Variants in NFIA observed in about 807,000 individuals in gnomAD.
NFIA encodes the protein nuclear factor 1 A-type.
A neutral mutation model predicts 62.8 loss-of-function variants in NFIA; 8 were observed. The observed-to-expected ratio is 0.13, with a 90% CI of 0.07 to 0.23. The LOEUF (loss-of-function observed/expected upper bound fraction) is 0.23, where lower values mean the gene tolerates loss of function less well. NFIA is among the 10% of genes least tolerant of loss of function. The pLI, the probability that NFIA is intolerant of heterozygous loss-of-function variation, is 1.00. For synonymous variants in NFIA, 235 were observed against 238.1 expected, an observed-to-expected ratio of 0.99 and a Z score of 0.12; for missense variants, 410 against 642.1, an observed-to-expected ratio of 0.64 and a Z score of 3.91.
intron 2 of NFIA, among the ~76,000 whole-genome samples, chr1:61,089,748 ACTTTT>A (rs1470513441): frequency 1.4e-5 from 2 of 141,106 alleles, no homozygotes; most frequent in Non-Finnish European, 3.1e-5. Flanking sequence ...AAAACACTGC[ACTTTT>A]CTTCAAAACA....
intron 10 of NFIA, among the ~76,000 whole-genome samples, chr1:61,427,666 T>G (rs1405268579): frequency 6.6e-6 from 1 of 152,184 alleles, no homozygotes; most frequent in Admixed American, 6.5e-5. Flanking sequence ...GCATTGTATC[T>G]GAAGCCTTCC....
chr1:61,374,860 CT>C (rs1417353777), intron 6 of NFIA, among the ~76,000 whole-genome samples: 1 of 152,102 alleles, frequency 6.6e-6, no homozygotes, highest in Non-Finnish European at 1.5e-5. Flanking sequence ...TTTTTATTGA[CT>C]GAAAAAGGCT....
chr1:61,306,266 G>GTTTTTTTTTT (rs1557695597), intron 3 of NFIA, among the ~76,000 whole-genome samples: 1 of 45,372 alleles, frequency 2.2e-5, no homozygotes, highest in Non-Finnish European at 4.0e-5. Flanking sequence ...CCCAGATTTT[G>GTTTTTTTTTT]TTCTTTTTTT....
At chr1:61,437,643 G>A (rs567234039) in intron 10 of NFIA, among the ~76,000 whole-genome samples, 88 of 152,342 alleles carry the variant, frequency 5.8e-4, no homozygotes, top group African/African-American at 2.0e-3. Context: ...TGTGATCGAT[G>A]AAGTAATTGA....
Position 61,458,650 on chromosome 1 carries a change from T to C in NFIA, c.*3330T>C, listed in dbSNP as rs1321609295. 2 of 151,890 alleles carry C rather than the reference T, an allele frequency of 1.3e-5. No individual in the cohort carries two copies. The highest frequency in any genetic ancestry group is 2.9e-5 in the Non-Finnish European group (2 of 67,974). 9.4% of individuals were successfully genotyped at this position (151,890 alleles called of 1,614,324 possible). A position where few individuals can be genotyped will look rare whatever the true frequency, so the allele number is the denominator to read the frequency against. ...GCTTTTCTTTCTTTTTACCCCCCCT[T>C]TGGGAACTGGATTTAAGTTTAAAAC... is the stretch of plus-strand genomic sequence containing the variant. On this transcript the variant is annotated 3_prime_UTR_variant, in exon 11 of 11. Coordinates refer to ENST00000403491, the MANE Select transcript of NFIA (RefSeq NM_001134673.4).
At chr1:61,427,638 G>T (rs948763428) in intron 10 of NFIA, among the ~76,000 whole-genome samples, 4 of 152,066 alleles carry the variant, frequency 2.6e-5, no homozygotes, top group Non-Finnish European at 2.9e-5. Context: ...TTGCTATGTC[G>T]ACAGCACAGG....
intron 2 of NFIA, among the ~76,000 whole-genome samples, chr1:61,263,424 C>T (rs945771347): frequency 6.6e-6 from 1 of 152,172 alleles, no homozygotes; most frequent in African/African-American, 2.4e-5. Context: ...GATAACAGGG[C>T]ATGACGGGCA....
At chr1:61,166,991 A>C (rs926064515) in intron 2 of NFIA, among the ~76,000 whole-genome samples, 1 of 152,096 alleles carries the variant, frequency 6.6e-6, no homozygotes, top group Non-Finnish European at 1.5e-5. Flanking sequence ...AATACAAAAA[A>C]TTAGCCGGGC....
chr1:61,210,591 C>A (rs1045770990), intron 2 of NFIA, among the ~76,000 whole-genome samples: 1 of 152,080 alleles, frequency 6.6e-6, no homozygotes, highest in African/African-American at 2.4e-5. Context: ...TGGGATGGCC[C>A]ATGCATCTCT....
intron 4 of NFIA, among the ~76,000 whole-genome samples, chr1:61,347,176 T>TTC: frequency 7.3e-6 from 1 of 136,462 alleles, no homozygotes; most frequent in East Asian, 2.2e-4. Context: ...TTTTTTTTTT[T>TTC]TTTTTTTTTT....
chr1:61,189,081 A>G (rs1379156881), intron 2 of NFIA, among the ~76,000 whole-genome samples: 4 of 152,210 alleles, frequency 2.6e-5, no homozygotes, highest in Non-Finnish European at 5.9e-5. Flanking sequence ...TAATCAAATC[A>G]AAGTCCTGGT....
chr1:61,126,209 T>C (rs75701091), intron 2 of NFIA, among the ~76,000 whole-genome samples: 114 of 152,330 alleles, frequency 7.5e-4, no homozygotes, highest in African/African-American at 2.4e-3. Context: ...GAGAGCTCCC[T>C]TCATGGCTAA....
At chr1:61,413,840 C>A (rs1666224981) in intron 9 of NFIA, among the ~76,000 whole-genome samples, 1 of 151,916 alleles carries the variant, frequency 6.6e-6, no homozygotes. Context: ...ATTGGCCAGG[C>A]TGGTCTCGAA....
chr1:61,345,476 G>T (rs1662176822), intron 4 of NFIA, among the ~76,000 whole-genome samples: 1 of 152,026 alleles, frequency 6.6e-6, no homozygotes, highest in Non-Finnish European at 1.5e-5. Context: ...TTGTGCCTCA[G>T]TTCCTTCCTG....
In NFIA at chr1:61,144,494, G is replaced by A. The variant is rs1268192986; in HGVS notation, c.559+55814G>A. On this transcript the variant is annotated intron_variant, in intron 2 of 10. Coordinates refer to ENST00000403491, the MANE Select transcript of NFIA (RefSeq NM_001134673.4). The stretch of plus-strand genomic sequence containing the variant: ...AAGCTCAGATGCTGGGCCTCTATGG[G>A]GCAGAGGCACTTGGACATTTGTACC... Among the ~76,000 whole-genome samples, 5 of 152,230 alleles carry A rather than the reference G, an allele frequency of 3.3e-5. No individual in the cohort carries two copies. In the South Asian group the frequency reaches 8.3e-4, roughly 25 times the overall value.
At chr1:61,150,142 G>C (rs1228203242) in intron 2 of NFIA, among the ~76,000 whole-genome samples, 1 of 152,230 alleles carries the variant, frequency 6.6e-6, no homozygotes, top group Non-Finnish European at 1.5e-5. Context: ...TTACAAGGCA[G>C]GTTGGTATGA....
intron 3 of NFIA, among the ~76,000 whole-genome samples, chr1:61,296,158 A>C (rs987836417): frequency 1.3e-5 from 2 of 152,218 alleles, no homozygotes; most frequent in African/African-American, 2.4e-5. Context: ...AAGCATCCAA[A>C]ATTACCTCAA....
At chr1:61,395,899 C>T (rs1665245759) in intron 7 of NFIA, among the ~76,000 whole-genome samples, 1 of 152,138 alleles carries the variant, frequency 6.6e-6, no homozygotes, top group Admixed American at 6.5e-5. Flanking sequence ...CTTAATATCC[C>T]ATAAACATTT....
chr1:61,101,395 CAAAAA>C, intron 2 of NFIA, among the ~76,000 whole-genome samples: 1 of 67,470 alleles, frequency 1.5e-5, no homozygotes, highest in South Asian at 4.5e-4. Flanking sequence ...AACTCCATCT[CAAAAA>C]AAAAAAAAAA....
Sources: allele counts gnomAD v4.1 joint callset (sites outside exome capture counted in the v4.1 genomes callset), GRCh38; gene constraint gnomAD v4.1.1; transcripts MANE v1.5; gene names NCBI Gene and HGNC (gene_info 2026-07-23, HGNC 2026-07-21).